Variants in MACROD2 observed in about 807,000 individuals in gnomAD.
The protein encoded by MACROD2 is mono-ADP ribosylhydrolase 2, also known as ADP-ribose glycohydrolase MACROD2.
Under a neutral mutation model 70.4 loss-of-function variants are expected in MACROD2, and 36 were observed. The ratio of observed to expected loss-of-function variants is 0.51; its 90% confidence interval spans 0.39 to 0.68. The LOEUF (loss-of-function observed/expected upper bound fraction) is 0.68, where lower values mean the gene tolerates loss of function less well. Ranked by LOEUF, MACROD2 falls within the 30% of genes least tolerant of loss-of-function variation. MACROD2 has a pLI of 0.00. For synonymous variants in MACROD2, 172 were observed against 178.8 expected (o/e 0.96, Z 0.30); for missense variants, 496 against 538.4 (o/e 0.92, Z 0.78).
chr20:15,482,763 A>G (rs2047115154), intron 7 of MACROD2, among the ~76,000 whole-genome samples: 1 of 152,136 alleles, frequency 6.6e-6, no homozygotes, highest in Admixed American at 6.5e-5. Flanking sequence ...GGCCATTCTA[A>G]TAGATGTGTA....
chr20:15,634,449 AG>A (rs1253229625), intron 8 of MACROD2, among the ~76,000 whole-genome samples: 1 of 152,228 alleles, frequency 6.6e-6, no homozygotes. Flanking sequence ...CTCTCTACCC[AG>A]GGCTGATAAA....
intron 3 of MACROD2, among the ~76,000 whole-genome samples, chr20:14,251,534 A>C (rs1171237144): frequency 6.6e-6 from 1 of 152,136 alleles, no homozygotes; most frequent in African/African-American, 2.4e-5. Context: ...CAATTATAAT[A>C]TTTCTACATA....
chr20:15,485,153 C>T (rs1370281301), intron 7 of MACROD2, among the ~76,000 whole-genome samples: 2 of 151,742 alleles, frequency 1.3e-5, no homozygotes, highest in Non-Finnish European at 2.9e-5. Context: ...TGTGCTGGCT[C>T]TCATTTTGTC....
chr20:14,443,027 C>T (rs904577567), intron 3 of MACROD2, among the ~76,000 whole-genome samples: 13 of 150,792 alleles, frequency 8.6e-5, no homozygotes, highest in Admixed American at 2.6e-4. Flanking sequence ...TGCAGTGAGC[C>T]GAGATCGCGC....
At chr20:15,813,135 A>AC (rs1366294534) in intron 8 of MACROD2, among the ~76,000 whole-genome samples, 1 of 152,040 alleles carries the variant, frequency 6.6e-6, no homozygotes, top group Non-Finnish European at 1.5e-5. Context: ...GCATGCACCA[A>AC]CCCCTCCCCA....
rs781204938 is a variant in MACROD2, at chr20:14,326,221, A to G, written c.272-167258A>G. 3.1e-6 allele frequency: 5 copies of G among 1,613,830 alleles called. No individual in the cohort carries two copies. In the African/African-American group the frequency reaches 5.3e-5, roughly 17 times the overall value. On this transcript the variant is annotated intron_variant, in intron 3 of 17. Coordinates refer to ENST00000684519, the MANE Select transcript of MACROD2 (RefSeq NM_001351661.2). This position sits in a 1 kb window ranked among gnomAD's most constrained non-coding sequence, Gnocchi z 5.5. ...TCTCAAAGCAGTCATAGGTAGAGCA[A>G]GTTTCCAAGAGATATGAATGGTATC...
intron 5 of MACROD2, among the ~76,000 whole-genome samples, chr20:15,118,679 C>T (rs2076009609): frequency 6.6e-6 from 1 of 152,202 alleles, no homozygotes; most frequent in Non-Finnish European, 1.5e-5. Flanking sequence ...CAGACATTCA[C>T]TGTATGAAGG....
At chr20:15,269,315 T>G (rs2077325237) in intron 6 of MACROD2, among the ~76,000 whole-genome samples, 1 of 152,208 alleles carries the variant, frequency 6.6e-6, no homozygotes, top group Admixed American at 6.5e-5. Context: ...TTCCCGAACT[T>G]GAGCAAGGTT....
At chr20:15,441,020 G>A (rs1370816303) in intron 7 of MACROD2, among the ~76,000 whole-genome samples, 2 of 152,154 alleles carry the variant, frequency 1.3e-5, no homozygotes, top group Non-Finnish European at 2.9e-5. Context: ...GGAAAATGCA[G>A]TGCTGGGGCC....
chr20:14,908,849 A>G (rs1226236408), intron 5 of MACROD2, among the ~76,000 whole-genome samples: 1 of 152,166 alleles, frequency 6.6e-6, no homozygotes, highest in Non-Finnish European at 1.5e-5. Flanking sequence ...TGTGTTGTCT[A>G]TCTGCTTATT....
chr20:15,284,453 G>T (rs6079728), intron 6 of MACROD2, among the ~76,000 whole-genome samples: 31,336 of 151,874 alleles, frequency 0.21, 3,444 homozygotes, highest in Middle Eastern at 0.29. Context: ...TAAATTTTTT[G>T]TGTGGGGGAG....
intron 8 of MACROD2, among the ~76,000 whole-genome samples, chr20:15,819,179 T>A (rs1215499041): frequency 1.6e-5 from 2 of 125,608 alleles, no homozygotes; most frequent in Non-Finnish European, 3.6e-5. Context: ...ACAAAGAAAA[T>A]GTGGTGTAAA....
chr20:15,310,916 G>A (rs2077745819), intron 6 of MACROD2, among the ~76,000 whole-genome samples: 1 of 152,144 alleles, frequency 6.6e-6, no homozygotes, highest in African/African-American at 2.4e-5. Flanking sequence ...ACATTCAGGG[G>A]AAATATTAGA....
At chr20:15,111,003 GA>G (rs1449174617) in intron 5 of MACROD2, among the ~76,000 whole-genome samples, 1 of 152,104 alleles carries the variant, frequency 6.6e-6, no homozygotes, top group Non-Finnish European at 1.5e-5. Flanking sequence ...TGTGAAGTAA[GA>G]GTCATTTTAC....
At chr20:14,474,260 T>C (rs1484901537) in intron 3 of MACROD2, among the ~76,000 whole-genome samples, 1 of 152,146 alleles carries the variant, frequency 6.6e-6, no homozygotes, top group Non-Finnish European at 1.5e-5. Flanking sequence ...GCTAATGTTA[T>C]GTTATGAAGT....
chr20:14,736,035 G>C (rs1023713237), intron 5 of MACROD2, among the ~76,000 whole-genome samples: 1 of 152,014 alleles, frequency 6.6e-6, no homozygotes, highest in African/African-American at 2.4e-5. Flanking sequence ...AATGTTTATA[G>C]CAGCAATATT....
chr20:15,813,849 A>C (rs1421913586), intron 8 of MACROD2, among the ~76,000 whole-genome samples: 1 of 152,244 alleles, frequency 6.6e-6, no homozygotes, highest in African/African-American at 2.4e-5. Context: ...ACATGTGTAC[A>C]TAGGGAAGAA....
intron 6 of MACROD2, among the ~76,000 whole-genome samples, chr20:15,390,836 G>GT (rs1600340553): frequency 1.3e-5 from 2 of 152,262 alleles, no homozygotes; most frequent in East Asian, 3.9e-4. Flanking sequence ...CATAAATTCA[G>GT]TTTTTTTGCA....
At chr20:14,027,464 A>G (rs1255596805) in intron 2 of MACROD2, among the ~76,000 whole-genome samples, 4 of 151,962 alleles carry the variant, frequency 2.6e-5, no homozygotes, top group Non-Finnish European at 4.4e-5. Flanking sequence ...ACTTCTGTCA[A>G]TTTGTCAAAC....
Sources: allele counts gnomAD v4.1 joint callset (sites outside exome capture counted in the v4.1 genomes callset), GRCh38; gene constraint gnomAD v4.1.1; non-coding constraint Gnocchi (gnomAD v3.1); transcripts MANE v1.5; gene names NCBI Gene and HGNC (gene_info 2026-07-23, HGNC 2026-07-21).